Variants in C1orf94 observed in about 807,000 individuals in gnomAD.
C1orf94 encodes uncharacterized protein C1orf94.
In C1orf94, 45 loss-of-function variants were observed where a neutral mutation model predicts 53.6. The ratio of observed to expected loss-of-function variants is 0.84; its 90% CI spans 0.66 to 1.08. The LOEUF is 1.08. Among genes scored for constraint, C1orf94 ranks in the 50% least tolerant of loss-of-function variants. C1orf94 has a pLI of 0.00. For missense variants in C1orf94, 762 were observed against 738.9 expected (o/e 1.03, Z -0.36); for synonymous variants, 304 against 296.1 (o/e 1.03, Z -0.27).
chr1:34,196,658 A>G (rs1446306319), intron 1 of C1orf94, among the ~76,000 whole-genome samples: 1 of 152,150 alleles, frequency 6.6e-6, no homozygotes, highest in Non-Finnish European at 1.5e-5. Flanking sequence ...CAGAATACCA[A>G]GATGCTGAAC....
At chr1:34,185,034 G>T (rs929756385) in intron 1 of C1orf94, among the ~76,000 whole-genome samples, 1 of 152,016 alleles carries the variant, frequency 6.6e-6, no homozygotes, top group African/African-American at 2.4e-5. Flanking sequence ...AAGCTTCTGT[G>T]CAGCTTTTGT....
intron 5 of C1orf94, among the ~76,000 whole-genome samples, chr1:34,209,659 G>A (rs1187437780): frequency 6.6e-6 from 1 of 152,150 alleles, no homozygotes; most frequent in African/African-American, 2.4e-5. Context: ...GGGAGGGTAG[G>A]GAAGAGCCTG....
rs753769207 is a variant in C1orf94 at position 34,177,825 on chromosome 1, T to C, written c.36T>C (p.Gly12=). 3.3e-5 allele frequency: 51 copies of C among 1,548,748 alleles called. No individual in the cohort carries two copies. The Middle Eastern group carries it at 5.0e-4, about 15-fold the overall frequency. ...GTGGTGGTTGTGTTCTAGCCCTGGG[T>C]GGACAGAGGGGCTTCCAGAAAGAGA... is the stretch of plus-strand genomic sequence containing the variant. ...RGGGGCVLAL[G]GQRGFQKERR... The change falls in exon 1 of 7, where the codon GGT becomes GGC. Residue 12 remains glycine (G), a synonymous_variant. Transcript: ENST00000488417.
intron 1 of C1orf94, among the ~76,000 whole-genome samples, chr1:34,189,928 A>G (rs974747346): frequency 6.6e-6 from 1 of 152,180 alleles, no homozygotes; most frequent in African/African-American, 2.4e-5. Flanking sequence ...AGGTCTCCTG[A>G]CTGCAAAGCC....
In C1orf94 at chr1:34,200,964, C is replaced by T. The variant is rs1412312966; in HGVS notation, c.1202C>T (p.Ala401Val). Residue 401 changes from alanine (A) to valine (V), a missense_variant, in exon 3 of 7, where the codon GCC (alanine) becomes GTC (valine). Coordinates refer to ENST00000488417, the MANE Select transcript of C1orf94 (RefSeq NM_001134734.2). ...EKNLLYEFLG[A>V]TKNPSGQPRL... ...AACTTGCTCTATGAGTTCCTTGGGG[C>T]CACCAAGAACCCAAGCGGGCAGCCG... 3 of 1,613,672 alleles carry T rather than the reference C, an allele frequency of 1.9e-6. No homozygotes were observed. The African/African-American group carries it at 4.0e-5, about 22-fold the overall frequency.
rs1642257302 is a variant in C1orf94 at position 34,178,075 on chromosome 1, A to C, written c.286A>C (p.Thr96Pro). The C allele has an allele frequency of 3.2e-6, 5 of 1,551,486 alleles. No individual in the cohort carries two copies. The highest frequency in any genetic ancestry group is 3.5e-6 in the Non-Finnish European group (4 of 1,146,924). ...MEQLSVPVVG[T>P]LRGNELSFQE... ...GCAGCTCTCTGTCCCTGTGGTTGGA[A>C]CTCTAAGAGGCAATGAGCTCAGCTT... The change falls in exon 1 of 7, where the codon ACT becomes CCT. Residue 96 changes from threonine to proline, a missense_variant. Transcript: ENST00000488417.
chr1:34,191,825 C>T (rs1356130168), intron 1 of C1orf94, among the ~76,000 whole-genome samples: 1 of 152,178 alleles, frequency 6.6e-6, no homozygotes, highest in African/African-American at 2.4e-5. Flanking sequence ...TAACAGCATG[C>T]TTGCTTAGTC....
At chr1:34,185,116 C>T (rs773620754) in intron 1 of C1orf94, among the ~76,000 whole-genome samples, 3 of 152,134 alleles carry the variant, frequency 2.0e-5, no homozygotes, top group African/African-American at 7.2e-5. Flanking sequence ...AAGTTGGAAC[C>T]CTTTGCTCTG....
chr1:34,179,425 A>G (rs1408791490), intron 1 of C1orf94, among the ~76,000 whole-genome samples: 1 of 152,244 alleles, frequency 6.6e-6, no homozygotes, highest in African/African-American at 2.4e-5. Flanking sequence ...CTGATTGTCC[A>G]CTTTGTGGAC....
chr1:34,207,430 C>T (rs566124327), intron 4 of C1orf94, among the ~76,000 whole-genome samples: 1 of 152,178 alleles, frequency 6.6e-6, no homozygotes, highest in African/African-American at 2.4e-5. Context: ...GACAAACACA[C>T]TGAACATTGA....
Position 34,197,931 on chromosome 1 carries a change from TG to T in C1orf94, c.1009+22del. The T allele has an allele frequency of 6.3e-7, 1 of 1,593,946 alleles. No individual in the cohort carries two copies. Among genetic ancestry groups the T allele is most frequent in the South Asian group, 1.1e-5 (1 of 87,202 alleles). ...CTTGATGGGTGAGTGGGGTTGGAAC[TG>T]GGGTAGAGTGGGCCTGCAAGGAGGA... On this transcript the variant is annotated intron_variant, in intron 2 of 6. Coordinates refer to ENST00000488417, the MANE Select transcript of C1orf94 (RefSeq NM_001134734.2). The surrounding 1 kb of genome is among the most constrained non-coding windows in gnomAD (Gnocchi z 4.1).
upstream of C1orf94, among the ~76,000 whole-genome samples, chr1:34,175,540 G>T (rs916839868): frequency 2.0e-5 from 3 of 152,010 alleles, no homozygotes; most frequent in Admixed American, 6.6e-5. Flanking sequence ...CTTCAATTTT[G>T]TAATGAAAAT....
At chr1:34,203,352 C>G (rs1216786268) in intron 4 of C1orf94, among the ~76,000 whole-genome samples, 1 of 152,172 alleles carries the variant, frequency 6.6e-6, no homozygotes, top group Non-Finnish European at 1.5e-5. Flanking sequence ...GTCTTGAACT[C>G]CCCGCCTCAT....
intron 1 of C1orf94, among the ~76,000 whole-genome samples, chr1:34,186,366 G>A (rs926028486): frequency 6.6e-6 from 1 of 152,178 alleles, no homozygotes; most frequent in African/African-American, 2.4e-5. Flanking sequence ...AGAAGGACTC[G>A]ATGTTCATCA....
intron 2 of C1orf94, among the ~76,000 whole-genome samples, 192 bp downstream of exon 2, chr1:34,198,105 T>C (rs1463122544): frequency 2.0e-5 from 3 of 152,236 alleles, no homozygotes; most frequent in African/African-American, 7.2e-5. Context: ...GGTTCCCCTG[T>C]GCAGGGCACA....
chr1:34,178,308 G>C (rs973387940), intron 1 of C1orf94, among the ~76,000 whole-genome samples, 199 bp downstream of exon 1: 5 of 152,168 alleles, frequency 3.3e-5, no homozygotes, highest in Non-Finnish European at 7.4e-5. Flanking sequence ...AGTCAGATTA[G>C]GGCTATATTC....
chr1:34,210,981 G>C (rs779562807), intron 5 of C1orf94, among the ~76,000 whole-genome samples: 42 of 151,972 alleles, frequency 2.8e-4, no homozygotes, highest in East Asian at 5.8e-4. Context: ...TTTAGATAAG[G>C]GTGTATGGGG....
At chr1:34,215,774 G>A (rs377723573) in intron 6 of C1orf94, among the ~76,000 whole-genome samples, 2 of 152,192 alleles carry the variant, frequency 1.3e-5, no homozygotes, top group Non-Finnish European at 2.9e-5. Flanking sequence ...CGGAGACCGA[G>A]GTGGGTGGAT....
intron 4 of C1orf94, among the ~76,000 whole-genome samples, chr1:34,207,442 TC>T (rs1642818467): frequency 6.6e-6 from 1 of 152,110 alleles, no homozygotes; most frequent in East Asian, 1.9e-4. Context: ...GAACATTGAG[TC>T]CTTACTATGT....
Sources: gnomAD v4.1 joint callset for allele counts (sites outside exome capture counted in the v4.1 genomes callset) on GRCh38, gnomAD v4.1.1 for gene constraint, Gnocchi (gnomAD v3.1) non-coding constraint, MANE v1.5 for transcripts, NCBI Gene and HGNC (gene_info 2026-07-23, HGNC 2026-07-21) for gene names.